The following RAP2A variants were observed in gnomAD, a reference collection of about 807,000 sequenced individuals.
RAP2A encodes the protein RAP2A, member of RAS oncogene family, also known as ras-related protein Rap-2a.
A neutral mutation model predicts 15.1 loss-of-function variants in RAP2A; 5 were observed. That is an observed-to-expected ratio of 0.33 (90% CI 0.17 to 0.70). The LOEUF is 0.70. Ranked by LOEUF, RAP2A falls within the 30% of genes least tolerant of loss-of-function variation. The pLI is 0.68. For missense variants in RAP2A, 111 were observed against 240.3 expected (o/e 0.46, Z 3.56); for synonymous variants, 110 against 99.7 (o/e 1.10, Z -0.62).
intron 1 of RAP2A, among the ~76,000 whole-genome samples, chr13:97,447,371 A>ATAAAAGTAAT (rs1352653971): frequency 1.3e-5 from 2 of 152,176 alleles, no homozygotes; most frequent in Non-Finnish European, 2.9e-5. Flanking sequence ...TGTACTGTTT[A>ATAAAAGTAAT]TAAAAGTAAT....
Position 97,467,558 on chromosome 13 carries a change from T to G in RAP2A, c.*3116T>G, listed in dbSNP as rs1158674658. 2 of 152,614 alleles carry G rather than the reference T, an allele frequency of 1.3e-5. No homozygotes were observed. The highest frequency in any genetic ancestry group is 2.9e-5 in the Non-Finnish European group (2 of 68,036). 9.5% of individuals were successfully genotyped at this position (152,614 alleles called of 1,614,324 possible). A position where few individuals can be genotyped will look rare whatever the true frequency, so the allele number is the denominator to read the frequency against. On this transcript the variant is annotated 3_prime_UTR_variant, in exon 2 of 2. Coordinates refer to ENST00000245304, the MANE Select transcript of RAP2A (RefSeq NM_021033.7). ...TATGAAAGTGCTTTGTTTTGTTTGT[T>G]GCTGTTTTTTGTTTATGTGTGTGTT...
chr13:97,463,112 A>G lies in RAP2A; in HGVS notation c.315-1093A>G, dbSNP rs1051876513. Among the ~76,000 whole-genome samples, 7 of 138,932 alleles carry G rather than the reference A, an allele frequency of 5.0e-5. No homozygotes were observed. In the South Asian group the frequency reaches 1.6e-3, roughly 32 times the overall value. The allele number at this position is 138,932 out of a possible 152,430, so 91.1% of individuals were successfully genotyped here. A position where few individuals can be genotyped will look rare whatever the true frequency, so the allele number is the denominator to read the frequency against. On this transcript the variant is annotated intron_variant, in intron 1 of 1. Transcript: ENST00000245304. Reference sequence around the variant, plus strand: ...ACATTCTGCTTATGGGAAGACACACACACACAAACACACACACACACAGAT... The same window carrying G: ...ACATTCTGCTTATGGGAAGACACACGCACACAAACACACACACACACAGAT...
intron 1 of RAP2A, among the ~76,000 whole-genome samples, chr13:97,435,217 C>G (rs1163478427): frequency 1.3e-5 from 2 of 152,144 alleles, no homozygotes; most frequent in African/African-American, 2.4e-5. Context: ...AAAGTCAAGT[C>G]CAGAGGAAGG....
Position 97,468,215 on chromosome 13 carries a change from C to G in RAP2A, c.*3773C>G, listed in dbSNP as rs1436333533. 1 of 152,088 alleles carries G rather than the reference C, an allele frequency of 6.6e-6. No homozygotes were observed. The highest frequency in any genetic ancestry group is 1.5e-5 in the Non-Finnish European group (1 of 68,014). 9.4% of individuals were successfully genotyped at this position (152,088 alleles called of 1,614,324 possible). A position where few individuals can be genotyped will look rare whatever the true frequency, so the allele number is the denominator to read the frequency against. ...TAAAATCAGTTATTATAAATATAAACTTATCTCTACAAATGATTTTATATT... is the reference window on the plus strand; with the variant it reads ...TAAAATCAGTTATTATAAATATAAAGTTATCTCTACAAATGATTTTATATT... On this transcript the variant is annotated 3_prime_UTR_variant, in exon 2 of 2. Transcript: ENST00000245304.
intron 1 of RAP2A, among the ~76,000 whole-genome samples, chr13:97,439,681 GT>G: frequency 6.6e-6 from 1 of 152,154 alleles, no homozygotes; most frequent in Admixed American, 6.5e-5. Flanking sequence ...GATTGGGAGA[GT>G]AGATGAAACC....
Position 97,434,873 on chromosome 13 carries a change from G to T in RAP2A, c.314+89G>T, listed in dbSNP as rs1034877441. The T allele has an allele frequency of 5.9e-6, 9 of 1,528,230 alleles. 1 individual carries two copies. In the South Asian group the frequency reaches 8.7e-5, roughly 15 times the overall value. 94.7% of individuals were successfully genotyped at this position (1,528,230 alleles called of 1,614,324 possible). A position where few individuals can be genotyped will look rare whatever the true frequency, so the allele number is the denominator to read the frequency against. ...TCCCCGCGCGGGGCTCCGGGGAAGG[G>T]GCTTTCTGGGGGGTGGCTCCAAGCT... On this transcript the variant is annotated intron_variant, in intron 1 of 1. Transcript: ENST00000245304.
At chr13:97,443,033 A>G (rs1004375602) in intron 1 of RAP2A, among the ~76,000 whole-genome samples, 6 of 152,228 alleles carry the variant, frequency 3.9e-5, no homozygotes, top group African/African-American at 1.4e-4. Flanking sequence ...GAACAGAGAA[A>G]GGGAGGTTGT....
rs1346213457 is a variant in RAP2A, at chr13:97,450,678, T to TTAG, written c.315-13525_315-13523dup. On this transcript the variant is annotated intron_variant, in intron 1 of 1. Transcript: ENST00000245304. The stretch of plus-strand genomic sequence containing the variant: ...ACGCTTAAAAAAAAAAAAGAATCAA[T>TTAG]TAGTTTATTCAGATAGGTTTTTTAC... Among the ~76,000 whole-genome samples the TTAG allele has an allele frequency of 1.8e-3, 279 of 151,842 alleles. 1 individual carries two copies. The highest frequency in any genetic ancestry group is 6.4e-3 in the African/African-American group (265 of 41,200).
chr13:97,458,148 G>GT (rs910331307), intron 1 of RAP2A, among the ~76,000 whole-genome samples: 12 of 152,078 alleles, frequency 7.9e-5, no homozygotes, highest in Admixed American at 7.9e-4. Flanking sequence ...TGAAGCATCA[G>GT]TTTTTTTGAC....
At chr13:97,436,391 C>G (rs1482270477) in intron 1 of RAP2A, among the ~76,000 whole-genome samples, 1 of 152,134 alleles carries the variant, frequency 6.6e-6, no homozygotes, top group Non-Finnish European at 1.5e-5. Context: ...TAGTCTGATA[C>G]ATTGCCACAT....
At chr13:97,458,906 T>TTC (rs1171476004) in intron 1 of RAP2A, among the ~76,000 whole-genome samples, 1 of 152,172 alleles carries the variant, frequency 6.6e-6, no homozygotes, top group Non-Finnish European at 1.5e-5. Flanking sequence ...TTTCTGATGT[T>TTC]TCATTCAGTC....
At chr13:97,454,222 G>C (rs544573851) in intron 1 of RAP2A, among the ~76,000 whole-genome samples, 13 of 150,682 alleles carry the variant, frequency 8.6e-5, no homozygotes, top group Non-Finnish European at 1.6e-4. Context: ...ATTTAAAGTG[G>C]ATTTCTTCTT....
At chr13:97,440,926 G>A (rs931464026) in intron 1 of RAP2A, among the ~76,000 whole-genome samples, 4 of 152,150 alleles carry the variant, frequency 2.6e-5, no homozygotes, top group African/African-American at 7.2e-5. Flanking sequence ...CCATACAGAT[G>A]TCTGGGACTT....
At chr13:97,436,434 ATAATC>A (rs764488545) in intron 1 of RAP2A, among the ~76,000 whole-genome samples, 37 of 152,160 alleles carry the variant, frequency 2.4e-4, no homozygotes, top group Non-Finnish European at 4.6e-4. Flanking sequence ...ACATCAAAAA[ATAATC>A]TAAGTAAATG....
At chr13:97,438,118 T>C (rs2066641910) in intron 1 of RAP2A, among the ~76,000 whole-genome samples, 2 of 152,222 alleles carry the variant, frequency 1.3e-5, no homozygotes, top group East Asian at 1.9e-4. Context: ...GAAATGTTTT[T>C]CAGTTGAAAT....
At chr13:97,463,520 A>T (rs2066757235) in intron 1 of RAP2A, among the ~76,000 whole-genome samples, 1 of 152,216 alleles carries the variant, frequency 6.6e-6, no homozygotes, top group East Asian at 1.9e-4. Flanking sequence ...ACTAATCCAT[A>T]AAAGTTTTCT....
chr13:97,438,480 G>A (rs894314063), intron 1 of RAP2A, among the ~76,000 whole-genome samples: 2 of 152,060 alleles, frequency 1.3e-5, no homozygotes, highest in African/African-American at 2.4e-5. Flanking sequence ...CATTTATACC[G>A]GAGGTTGCAA....
At chr13:97,463,018 A>G (rs925893630) in intron 1 of RAP2A, among the ~76,000 whole-genome samples, 4 of 151,374 alleles carry the variant, frequency 2.6e-5, no homozygotes, top group Non-Finnish European at 5.9e-5. Flanking sequence ...TGACAGATTT[A>G]GCTGTTTCCA....
intron 1 of RAP2A, among the ~76,000 whole-genome samples, chr13:97,443,101 T>C (rs570693884): frequency 6.6e-6 from 1 of 152,300 alleles, no homozygotes; most frequent in South Asian, 2.1e-4. Flanking sequence ...GAACAGTTGC[T>C]GAGGAGGTTC....
Sources: allele counts gnomAD v4.1 joint callset (sites outside exome capture counted in the v4.1 genomes callset), GRCh38; gene constraint gnomAD v4.1.1; transcripts MANE v1.5; gene names NCBI Gene and HGNC (gene_info 2026-07-23, HGNC 2026-07-21).